Variants in CACNG7 observed in about 807,000 individuals in gnomAD.
CACNG7 encodes the protein calcium voltage-gated channel auxiliary subunit gamma 7, also known as voltage-dependent calcium channel gamma-7 subunit.
In CACNG7, 9 loss-of-function variants were observed where a neutral mutation model predicts 26.3. That is an observed-to-expected ratio of 0.34 (90% confidence interval 0.21 to 0.60). The LOEUF (loss-of-function observed/expected upper bound fraction) is 0.60. Among genes scored for constraint, CACNG7 ranks in the 20% least tolerant of loss-of-function variants. The probability of loss-of-function intolerance (pLI) is 0.81; values close to 1 mark genes in which losing one functional copy is unlikely to be tolerated. For missense variants in CACNG7, 297 were observed against 380.4 expected, an observed-to-expected ratio of 0.78 and a Z score of 1.82; for synonymous variants, 170 against 157.0, an observed-to-expected ratio of 1.08 and a Z score of -0.62.
chr19:53,925,959 A>G (rs2069027796), intron 4 of CACNG7, among the ~76,000 whole-genome samples: 1 of 152,174 alleles, frequency 6.6e-6, no homozygotes, highest in Non-Finnish European at 1.5e-5. Context: ...TTTCCAGGTC[A>G]TAAGAGGCAT....
chr19:53,935,110 T>TGTGCACAAAAAATATATATGTA (rs2069097000), intron 4 of CACNG7, among the ~76,000 whole-genome samples: 1 of 151,934 alleles, frequency 6.6e-6, no homozygotes, highest in African/African-American at 2.4e-5. Context: ...TATGCATATG[T>TGTGCACAAAAAATATATATGTA]GTGCACAAAA....
intron 4 of CACNG7, among the ~76,000 whole-genome samples, chr19:53,923,153 T>C (rs74198755): frequency 2.3e-5 from 2 of 87,674 alleles, no homozygotes; most frequent in African/African-American, 6.2e-5. Context: ...TTGCCCCAGG[T>C]CTGGTCATTG....
intron 4 of CACNG7, among the ~76,000 whole-genome samples, chr19:53,918,261 G>A (rs1405113389): frequency 6.6e-6 from 1 of 152,188 alleles, no homozygotes; most frequent in African/African-American, 2.4e-5. Flanking sequence ...TTTCTGCTTA[G>A]GGCCAGATAG....
chr19:53,922,909 GC>G (rs1471119661), intron 4 of CACNG7, among the ~76,000 whole-genome samples: 2 of 86,114 alleles, frequency 2.3e-5, no homozygotes, highest in African/African-American at 9.9e-5. Flanking sequence ...GTTGCCCCAG[GC>G]CTGGTCATTG....
At chr19:53,930,074 C>CAAAA (rs35004784) in intron 4 of CACNG7, among the ~76,000 whole-genome samples, 1,187 of 92,472 alleles carry the variant, frequency 0.013, 34 homozygotes, top group African/African-American at 0.041. Context: ...CTACATGCTA[C>CAAAA]AAAAAAAAAA....
At chr19:53,920,619 C>T (rs35234412) in intron 4 of CACNG7, among the ~76,000 whole-genome samples, 1 of 71,820 alleles carries the variant, frequency 1.4e-5, no homozygotes, top group African/African-American at 9.4e-5. Context: ...GGTGGAGTTG[C>T]CCCAGGTCTG....
In CACNG7 at chr19:53,909,636, G is replaced by C. The variant is rs2068850320; in HGVS notation, c.-30+119G>C. 6.6e-6 allele frequency: 1 copy of C among 152,418 alleles called. No homozygotes were observed. The highest frequency in any genetic ancestry group is 2.4e-5 in the African/African-American group (1 of 41,574). 9.4% of individuals were successfully genotyped at this position (152,418 alleles called of 1,614,324 possible). On this transcript the variant is annotated intron_variant, in intron 1 of 5. Coordinates refer to ENST00000391767, the MANE Select transcript of CACNG7 (RefSeq NM_031896.5). The surrounding 1 kb of genome is among the most constrained non-coding windows in gnomAD (Gnocchi z 5.1). ...CAGGGGTGGTGAGATCCTGGCGGTC[G>C]GGACGCCCGAATTCGAGCGGCTATG...
chr19:53,942,486 T>A lies in CACNG7; in HGVS notation c.*193T>A. ...CTTATTTCAATGGCCGCGCCCTCTT[T>A]TCCCGACCTCTCCTTTTCATTGGTC... On this transcript the variant is annotated 3_prime_UTR_variant, in exon 6 of 6. Coordinates refer to ENST00000391767, the MANE Select transcript of CACNG7 (RefSeq NM_031896.5). The surrounding 1 kb of genome is among the most constrained non-coding windows in gnomAD (Gnocchi z 5.9). The A allele has an allele frequency of 7.0e-7, 1 of 1,430,638 alleles. No homozygotes were observed. The highest frequency in any genetic ancestry group is 9.1e-7 in the Non-Finnish European group (1 of 1,096,918). 88.6% of individuals were successfully genotyped at this position (1,430,638 alleles called of 1,614,324 possible).
At chr19:53,924,042 G>T (rs1422717725) in intron 4 of CACNG7, among the ~76,000 whole-genome samples, 1 of 141,570 alleles carries the variant, frequency 7.1e-6, no homozygotes, top group Non-Finnish European at 1.5e-5. Flanking sequence ...GTTGCCCCAG[G>T]CCTGGTCATT....
At position 53,942,224 on chromosome 19, in the gene CACNG7, A is replaced by G. The variant is rs2069142508; in HGVS notation, c.759A>G (p.Gln253=). Residue 253 remains glutamine (Q), a synonymous_variant, in exon 6 of 6, where the codon CAA becomes CAG. Transcript: ENST00000391767. The surrounding 1 kb of genome is among the most constrained non-coding windows in gnomAD (Gnocchi z 5.9). The stretch of plus-strand genomic sequence containing the variant: ...ACATCTCCAGCGACGTGTCCATCCA[A>G]ATGACGCAGAACTACCCTCCCGCCA... ...PSDISSDVSI[Q]MTQNYPPAIK... The G allele has an allele frequency of 1.9e-6, 3 of 1,613,624 alleles. No homozygotes were observed. Among genetic ancestry groups the G allele is most frequent in the South Asian group, 1.1e-5 (1 of 91,072 alleles).
intron 1 of CACNG7, among the ~76,000 whole-genome samples, chr19:53,911,775 T>A (rs2068864078): frequency 6.6e-6 from 1 of 152,144 alleles, no homozygotes; most frequent in South Asian, 2.1e-4. Flanking sequence ...TGGGAGGATG[T>A]CATGTGTGAT....
intron 4 of CACNG7, among the ~76,000 whole-genome samples, chr19:53,925,586 C>CAGGCTGGTCATTGGTGGACTTGCCCA (rs1568778707): frequency 4.0e-5 from 6 of 151,380 alleles, no homozygotes; most frequent in African/African-American, 1.5e-4. Flanking sequence ...GGACTTGCCC[C>CAGGCTGGTCATTGGTGGACTTGCCCA]AGGCTGGTCA....
chr19:53,915,520 T>C lies in CACNG7; in HGVS notation c.424+15T>C, dbSNP rs543056281. The C allele has an allele frequency of 1.6e-4, 264 of 1,613,166 alleles. 4 individuals are homozygous for C. In the South Asian group the frequency reaches 2.8e-3, roughly 17 times the overall value. On this transcript the variant is annotated intron_variant, in intron 4 of 5. Transcript: ENST00000391767. ...CATACTATCGGGTGAGCCTAAGGAC[T>C]TGGGGGTTGGGGGGGACCATTTCCA...
chr19:53,920,754 C>T (rs1481275974), intron 4 of CACNG7, among the ~76,000 whole-genome samples: 77 of 111,466 alleles, frequency 6.9e-4, no homozygotes, highest in Non-Finnish European at 9.7e-4. Context: ...TGGAGTTGCC[C>T]CAGGTCTGGT....
chr19:53,933,559 C>T (rs150677133), intron 4 of CACNG7, among the ~76,000 whole-genome samples: 70 of 152,162 alleles, frequency 4.6e-4, no homozygotes, highest in African/African-American at 1.5e-3. Flanking sequence ...GCCTCAGCCT[C>T]CCAGAGTGCT....
intron 4 of CACNG7, among the ~76,000 whole-genome samples, chr19:53,921,051 CCTGGTCATTGGTGGACTTGCCCCAGGT>C (rs2068944568): frequency 2.1e-5 from 1 of 47,346 alleles, no homozygotes; most frequent in Admixed American, 2.1e-4. Flanking sequence ...TTGCCCCAGG[CCTGGTCATTGGTGGACTTGCCCCAGGT>C]CTGGTCATTG....
chr19:53,928,659 A>G (rs2069050238), intron 4 of CACNG7, among the ~76,000 whole-genome samples: 1 of 152,178 alleles, frequency 6.6e-6, no homozygotes, highest in African/African-American at 2.4e-5. Context: ...TGTTGTCAGC[A>G]GGAACCAGAT....
chr19:53,921,838 T>C (rs1291762015), intron 4 of CACNG7, among the ~76,000 whole-genome samples: 1 of 100,300 alleles, frequency 1.0e-5, no homozygotes, highest in African/African-American at 7.2e-5. Flanking sequence ...GGTCTGGTCA[T>C]TGGTGGAGTT....
At chr19:53,929,352 T>C (rs78724150) in intron 4 of CACNG7, among the ~76,000 whole-genome samples, 13,514 of 152,134 alleles carry the variant, frequency 0.089, 1,975 homozygotes, top group African/African-American at 0.3. Flanking sequence ...AATGTGATTT[T>C]TGGGCTTCCT....
Sources: gnomAD v4.1 joint callset for allele counts (sites outside exome capture counted in the v4.1 genomes callset) on GRCh38, gnomAD v4.1.1 for gene constraint, Gnocchi (gnomAD v3.1) non-coding constraint, MANE v1.5 for transcripts, NCBI Gene and HGNC (gene_info 2026-07-23, HGNC 2026-07-21) for gene names.